The following FBXL20 variants were observed in gnomAD, a reference collection of about 807,000 sequenced individuals.
FBXL20 encodes the protein F-box/LRR-repeat protein 20.
Under a neutral mutation model 64.0 loss-of-function variants are expected in FBXL20, and 11 were observed. That is an observed-to-expected ratio of 0.17 (90% CI 0.11 to 0.28). The LOEUF is 0.28. Ranked by LOEUF, FBXL20 falls within the 10% of genes least tolerant of loss-of-function variation. FBXL20 has a pLI of 1.00. For synonymous variants in FBXL20, 184 were observed against 189.0 expected, an observed-to-expected ratio of 0.97 and a Z score of 0.22; for missense variants, 303 against 526.2, an observed-to-expected ratio of 0.58 and a Z score of 4.15.
intron 2 of FBXL20, among the ~76,000 whole-genome samples, chr17:39,307,757 G>C (rs1410501881): frequency 2.0e-5 from 3 of 151,154 alleles, no homozygotes; most frequent in Admixed American, 1.3e-4. Flanking sequence ...GATCACCTGA[G>C]GTCAGGATTC....
At chr17:39,269,671 T>A (rs1426670561) in intron 11 of FBXL20, among the ~76,000 whole-genome samples, 1 of 152,092 alleles carries the variant, frequency 6.6e-6, no homozygotes, top group Non-Finnish European at 1.5e-5. Flanking sequence ...GCTAATTTTG[T>A]GTTTTTAGTA....
chr17:39,281,281 G>A (rs780418032), intron 9 of FBXL20, 108 bp downstream of exon 9: 2 of 938,558 alleles, frequency 2.1e-6, no homozygotes, highest in Non-Finnish European at 3.3e-6. Context: ...CTAGGGTTGT[G>A]GTAGAAAAAC....
At chr17:39,363,846 C>CAAAAAATAAAA (rs2047828545) in intron 1 of FBXL20, among the ~76,000 whole-genome samples, 1 of 70,724 alleles carries the variant, frequency 1.4e-5, no homozygotes, top group East Asian at 4.9e-4. Flanking sequence ...AAAAAAAAAA[C>CAAAAAATAAAA]AATAAAAAGT....
At chr17:39,308,575 T>TA (rs1190044159) in intron 2 of FBXL20, among the ~76,000 whole-genome samples, 1 of 151,642 alleles carries the variant, frequency 6.6e-6, no homozygotes, top group Non-Finnish European at 1.5e-5. Flanking sequence ...ATAATTTTTT[T>TA]TTTTTTTGAG....
chr17:39,296,508 C>T (rs967023917), intron 6 of FBXL20, among the ~76,000 whole-genome samples: 1 of 138,778 alleles, frequency 7.2e-6, no homozygotes, highest in Non-Finnish European at 1.5e-5. Flanking sequence ...TACAGTGAAC[C>T]AAGGTTGCGC....
chr17:39,354,022 T>C (rs1379219625), intron 1 of FBXL20, among the ~76,000 whole-genome samples: 1 of 152,216 alleles, frequency 6.6e-6, no homozygotes, highest in Non-Finnish European at 1.5e-5. Flanking sequence ...AACTGTGTAA[T>C]GTACATTTAA....
At chr17:39,330,792 C>G (rs2047452879) in intron 2 of FBXL20, among the ~76,000 whole-genome samples, 1 of 152,070 alleles carries the variant, frequency 6.6e-6, no homozygotes, top group African/African-American at 2.4e-5. Context: ...AATATTAAAA[C>G]AGATGACTAT....
intron 1 of FBXL20, among the ~76,000 whole-genome samples, chr17:39,387,576 A>G (rs997004398): frequency 2.2e-5 from 3 of 133,918 alleles, no homozygotes; most frequent in Admixed American, 1.6e-4. Context: ...ACAGCGCCCA[A>G]TCTTTTTTTT....
intron 10 of FBXL20, among the ~76,000 whole-genome samples, chr17:39,271,062 A>G (rs570519350): frequency 6.6e-6 from 1 of 152,310 alleles, no homozygotes; most frequent in Non-Finnish European, 1.5e-5. Flanking sequence ...TATAAATACC[A>G]CATTTCAGGG....
intron 1 of FBXL20, among the ~76,000 whole-genome samples, chr17:39,357,069 T>G (rs1314341805): frequency 6.6e-6 from 1 of 150,696 alleles, no homozygotes. Flanking sequence ...AGGTTGGGAG[T>G]TCGAGACCAG....
chr17:39,330,239 G>A (rs891555465), intron 2 of FBXL20, among the ~76,000 whole-genome samples: 4 of 152,054 alleles, frequency 2.6e-5, no homozygotes, highest in African/African-American at 9.7e-5. Context: ...TGAGGTTGCA[G>A]TGAGCCAAAA....
intron 2 of FBXL20, among the ~76,000 whole-genome samples, chr17:39,341,613 C>T (rs2047583859): frequency 6.6e-6 from 1 of 152,166 alleles, no homozygotes; most frequent in African/African-American, 2.4e-5. Flanking sequence ...TCATATACTC[C>T]TTCTCCCATA....
Position 39,282,839 on chromosome 17 carries a change from A to T in FBXL20, c.511T>A (p.Leu171Met). The T allele has an allele frequency of 6.2e-7, 1 of 1,614,162 alleles. No homozygotes were observed. The highest frequency in any genetic ancestry group is 8.5e-7 in the Non-Finnish European group (1 of 1,180,022). The change falls in exon 8 of 15, where the codon TTG becomes ATG. Residue 171 changes from leucine (L) to methionine (M), a missense_variant. Physicochemically the swap from Leu to Met is conservative, Grantham distance 15. Coordinates refer to ENST00000264658, the MANE Select transcript of FBXL20 (RefSeq NM_032875.3). ...CACCAGGAAATGTTCAACTGCTCCA[A>T]CAGTGGACATCCCTCACTTAGGATA... ...LKALSEGCPL[L>M]EQLNISWCDQ...
chr17:39,357,613 CAT>C (rs1268256279), intron 1 of FBXL20, among the ~76,000 whole-genome samples: 1 of 152,198 alleles, frequency 6.6e-6, no homozygotes, highest in Non-Finnish European at 1.5e-5. Context: ...GTGGCACAAA[CAT>C]AGCTCACTGC....
intron 10 of FBXL20, 116 bp from the exon 11 acceptor site, chr17:39,270,972 T>C: frequency 2.5e-6 from 2 of 809,224 alleles, no homozygotes; most frequent in Non-Finnish European, 3.8e-6. Context: ...GACTTTATAA[T>C]ATAGAATGAC....
intron 1 of FBXL20, among the ~76,000 whole-genome samples, chr17:39,346,926 A>G (rs897985680): frequency 3.4e-5 from 5 of 147,540 alleles, no homozygotes; most frequent in Non-Finnish European, 7.4e-5. Context: ...CCCATCTATG[A>G]GTGAGAACAT....
chr17:39,264,452 T>C (rs1351076496), intron 13 of FBXL20, 65 bp from the exon 14 acceptor site: 2 of 1,544,500 alleles, frequency 1.3e-6, no homozygotes, highest in Non-Finnish European at 1.8e-6. Flanking sequence ...GCCAGAGGCT[T>C]GTGTGAATTG....
chr17:39,394,934 A>G (rs2048168576), intron 1 of FBXL20, among the ~76,000 whole-genome samples: 1 of 152,138 alleles, frequency 6.6e-6, no homozygotes, highest in East Asian at 1.9e-4. Flanking sequence ...ACAGTAATCT[A>G]AAGAGTAGGA....
intron 12 of FBXL20, among the ~76,000 whole-genome samples, chr17:39,268,074 T>G (rs1597760048): frequency 6.6e-6 from 1 of 152,198 alleles, no homozygotes; most frequent in East Asian, 1.9e-4. Flanking sequence ...CTTAAAATTG[T>G]GTTAATGTGG....
Sources: gnomAD v4.1 joint callset for allele counts (sites outside exome capture counted in the v4.1 genomes callset) on GRCh38, gnomAD v4.1.1 for gene constraint, MANE v1.5 for transcripts, NCBI Gene and HGNC (gene_info 2026-07-23, HGNC 2026-07-21) for gene names.